The following ASIC2 variants were observed in gnomAD, a reference collection of about 807,000 sequenced individuals.
The protein encoded by ASIC2 is acid sensing ion channel subunit 2.
ASIC2 carries 25 observed loss-of-function variants against 57.3 expected under a neutral mutation model. The observed-to-expected ratio is 0.44, with a 90% CI of 0.32 to 0.61. The LOEUF is 0.61. ASIC2 is among the 20% of genes least tolerant of loss of function. The probability of loss-of-function intolerance (pLI) is 0.06; values close to 1 mark genes in which losing one functional copy is unlikely to be tolerated. For synonymous variants in ASIC2, 319 were observed against 307.5 expected (o/e 1.04, Z -0.39); for missense variants, 641 against 738.1 (o/e 0.87, Z 1.52).
intron 1 of ASIC2, among the ~76,000 whole-genome samples, chr17:33,715,247 G>A (rs1027325308): frequency 2.6e-5 from 4 of 151,832 alleles, no homozygotes; most frequent in Non-Finnish European, 4.4e-5. Context: ...AGCGATCCTC[G>A]CACCTCAGCC....
intron 1 of ASIC2, among the ~76,000 whole-genome samples, chr17:33,685,329 C>A (rs1386312077): frequency 6.6e-6 from 1 of 152,194 alleles, no homozygotes; most frequent in Non-Finnish European, 1.5e-5. Context: ...TCTCTCCAGG[C>A]CACCTCGCGC....
chr17:33,169,180 C>T (rs538761218), intron 1 of ASIC2, among the ~76,000 whole-genome samples: 7 of 152,226 alleles, frequency 4.6e-5, no homozygotes, highest in Non-Finnish European at 8.8e-5. Flanking sequence ...ACCTGCTGGA[C>T]GGTAGAAGCA....
chr17:33,142,000 T>C (rs1397286049), intron 1 of ASIC2, among the ~76,000 whole-genome samples: 1 of 152,240 alleles, frequency 6.6e-6, no homozygotes, highest in Non-Finnish European at 1.5e-5. Flanking sequence ...GCAGACCCTA[T>C]TGGCATATAT....
chr17:33,136,866 T>C (rs1254608239), intron 1 of ASIC2, among the ~76,000 whole-genome samples: 1 of 152,164 alleles, frequency 6.6e-6, no homozygotes, highest in East Asian at 1.9e-4. Flanking sequence ...GGAAATTCAT[T>C]GCAAAAAGGG....
chr17:34,149,106 TTTC>T, intron 1 of ASIC2, among the ~76,000 whole-genome samples: 1 of 121,612 alleles, frequency 8.2e-6, no homozygotes, highest in Non-Finnish European at 1.7e-5. Flanking sequence ...TTTTCTTTTT[TTTC>T]TTTTCTTTTT....
At chr17:33,602,684 A>G (rs1388371296) in intron 1 of ASIC2, among the ~76,000 whole-genome samples, 5 of 152,056 alleles carry the variant, frequency 3.3e-5, no homozygotes. Context: ...ACTTCTTCCT[A>G]TGCCCTTCCC....
At chr17:33,791,967 C>G (rs1232561606) in intron 1 of ASIC2, 1 of 152,056 alleles carries the variant, frequency 6.6e-6, no homozygotes, top group Non-Finnish European at 1.5e-5. Flanking sequence ...ACCACCATGC[C>G]TGGCTCATTT....
intron 1 of ASIC2, among the ~76,000 whole-genome samples, chr17:33,502,645 A>G (rs1914135148): frequency 6.6e-6 from 1 of 152,156 alleles, no homozygotes; most frequent in Admixed American, 6.5e-5. Context: ...CAGGGCAGGA[A>G]CCCAGAAACC....
intron 1 of ASIC2, among the ~76,000 whole-genome samples, chr17:33,322,829 G>A (rs1431021865): frequency 6.6e-6 from 1 of 152,150 alleles, no homozygotes; most frequent in Non-Finnish European, 1.5e-5. Context: ...CTTCTCAGAG[G>A]AGGTAGTACT....
chr17:33,694,068 G>A (rs890235042), intron 1 of ASIC2, among the ~76,000 whole-genome samples: 1 of 152,120 alleles, frequency 6.6e-6, no homozygotes, highest in Non-Finnish European at 1.5e-5. Flanking sequence ...GGTGGAGGTG[G>A]AGTAGCTCTA....
intron 1 of ASIC2, among the ~76,000 whole-genome samples, chr17:33,464,425 A>T (rs554906251): frequency 6.6e-6 from 1 of 151,762 alleles, no homozygotes; most frequent in South Asian, 2.1e-4. Context: ...TTAATTCCAG[A>T]CTTCTACATC....
At chr17:33,537,145 C>T (rs1915258643) in intron 1 of ASIC2, among the ~76,000 whole-genome samples, 2 of 152,184 alleles carry the variant, frequency 1.3e-5, no homozygotes, top group African/African-American at 4.8e-5. Flanking sequence ...CTGGCATCTG[C>T]CCACCTTTCT....
At chr17:33,174,020 T>G (rs1452636669) in intron 1 of ASIC2, among the ~76,000 whole-genome samples, 1 of 152,084 alleles carries the variant, frequency 6.6e-6, no homozygotes, top group African/African-American at 2.4e-5. Context: ...TGAAGCCAAG[T>G]ACATTTGCTT....
intron 1 of ASIC2, among the ~76,000 whole-genome samples, chr17:33,590,278 G>C (rs1488593864): frequency 6.6e-6 from 1 of 152,142 alleles, no homozygotes; most frequent in Non-Finnish European, 1.5e-5. Flanking sequence ...TGGATTGAAA[G>C]TGCTTTATAC....
chr17:33,236,057 G>T (rs534662573), intron 1 of ASIC2, among the ~76,000 whole-genome samples: 18 of 152,180 alleles, frequency 1.2e-4, no homozygotes, highest in Admixed American at 1.2e-3. Context: ...GGATGGTCTT[G>T]ATCTCTTGAC....
At chr17:33,286,486 C>T (rs1334610372) in intron 1 of ASIC2, among the ~76,000 whole-genome samples, 1 of 152,142 alleles carries the variant, frequency 6.6e-6, no homozygotes, top group East Asian at 1.9e-4. Flanking sequence ...ATAATTGCAT[C>T]GTCACCCCTC....
At chr17:34,104,189 A>G (rs913417806) in intron 1 of ASIC2, among the ~76,000 whole-genome samples, 1 of 152,068 alleles carries the variant, frequency 6.6e-6, no homozygotes, top group Non-Finnish European at 1.5e-5. Flanking sequence ...TAAATTTATC[A>G]AGCATTTTAC....
intron 1 of ASIC2, among the ~76,000 whole-genome samples, chr17:33,406,234 G>A (rs1439103543): frequency 6.6e-6 from 1 of 152,108 alleles, no homozygotes; most frequent in Non-Finnish European, 1.5e-5. Context: ...ATTTTTCAGG[G>A]GTAAGAATAT....
At chr17:33,607,787 A>G (rs554746803) in intron 1 of ASIC2, among the ~76,000 whole-genome samples, 51 of 152,294 alleles carry the variant, frequency 3.3e-4, no homozygotes, top group African/African-American at 1.2e-3. Context: ...TGTGGCTGAG[A>G]ATGAGGCTAC....
Sources: gnomAD v4.1 joint callset for allele counts (sites outside exome capture counted in the v4.1 genomes callset) on GRCh38, gnomAD v4.1.1 for gene constraint, MANE v1.5 for transcripts, NCBI Gene and HGNC (gene_info 2026-07-23, HGNC 2026-07-21) for gene names.